The following IWS1 variants were observed in gnomAD, a reference collection of about 807,000 sequenced individuals.
The protein encoded by IWS1 is interacts with SUPT6H, CTD assembly factor 1.
Under a neutral mutation model 86.7 loss-of-function variants are expected in IWS1, and 27 were observed. That is an observed-to-expected ratio of 0.31 (90% CI 0.23 to 0.43). The LOEUF (loss-of-function observed/expected upper bound fraction) is 0.43. IWS1 is among the 20% of genes least tolerant of loss of function. The probability of loss-of-function intolerance (pLI) is 1.00; values close to 1 mark genes in which losing one functional copy is unlikely to be tolerated. For synonymous variants in IWS1, 313 were observed against 335.1 expected (o/e 0.93, Z 0.72); for missense variants, 827 against 1,000.8 (o/e 0.83, Z 2.34).
intron 2 of IWS1, chr2:127,514,624 C>G (rs536636285): frequency 1.0e-4 from 16 of 152,448 alleles, no homozygotes; most frequent in African/African-American, 3.8e-4. Flanking sequence ...ACCACCACAT[C>G]CCCCTCGTCT....
chr2:127,513,767 C>T (rs1390937022), intron 2 of IWS1, among the ~76,000 whole-genome samples: 6 of 152,120 alleles, frequency 3.9e-5, no homozygotes, highest in South Asian at 2.1e-4. Flanking sequence ...AGAAATAAGA[C>T]GAATGCAAAT....
Position 127,489,650 on chromosome 2 carries a change from G to C in IWS1, c.2159+182C>G. ...TGACCCAGAAAGGTCTGGTTAGGAG[G>C]ACAGGACCCTCACTATACACTATCA... is the stretch of plus-strand genomic sequence containing the variant. On this transcript the variant is annotated intron_variant, in intron 11 of 13. Coordinates refer to ENST00000295321, the MANE Select transcript of IWS1 (RefSeq NM_017969.3). This position sits in a 1 kb window ranked among gnomAD's most constrained non-coding sequence, Gnocchi z 4.8. The C allele has an allele frequency of 1.7e-6, 1 of 581,058 alleles. No homozygotes were observed. The highest frequency in any genetic ancestry group is 3.1e-6 in the Non-Finnish European group (1 of 327,546). 36.0% of individuals were successfully genotyped at this position (581,058 alleles called of 1,614,324 possible).
upstream of IWS1, chr2:127,526,512 C>T: frequency 6.7e-7 from 1 of 1,484,658 alleles, no homozygotes; most frequent in East Asian, 2.8e-5. Flanking sequence ...CAAAGGAATG[C>T]AGCGCGCAGG....
In IWS1 at chr2:127,490,563, T is replaced by C. The variant is rs73953625; in HGVS notation, c.2048-620A>G. Reference sequence around the variant, plus strand: ...TAGCTTACTGCTACATTTAATACACTATAAAAACAAGAAAGGACCTTTATA... The same window carrying C: ...TAGCTTACTGCTACATTTAATACACCATAAAAACAAGAAAGGACCTTTATA... On this transcript the variant is annotated intron_variant, in intron 10 of 13. Transcript: ENST00000295321. Among the ~76,000 whole-genome samples the C allele has an allele frequency of 6.4e-3, 974 of 152,236 alleles. 14 individuals are homozygous for C. The highest frequency in any genetic ancestry group is 0.022 in the African/African-American group (910 of 41,522).
At chr2:127,523,882 T>G in intron 1 of IWS1, 91 bp from the exon 2 acceptor site, 1 of 879,356 alleles carries the variant, frequency 1.1e-6, no homozygotes, top group South Asian at 1.6e-5. Flanking sequence ...ATAACGTAAG[T>G]GCAAAAGTTA....
chr2:127,498,783 T>C (rs1415819561), intron 5 of IWS1: 1 of 152,196 alleles, frequency 6.6e-6, no homozygotes, highest in Non-Finnish European at 1.5e-5. Flanking sequence ...AGCAAAGATA[T>C]CAAACATTGA....
chr2:127,506,663 C>T (rs1691167318), intron 2 of IWS1: 1 of 167,988 alleles, frequency 6.0e-6, no homozygotes, highest in Non-Finnish European at 1.5e-5. Context: ...CATAATGGTA[C>T]TTCTCATGAT....
intron 13 of IWS1, among the ~76,000 whole-genome samples, chr2:127,481,717 T>G (rs1456765382): frequency 6.6e-6 from 1 of 152,162 alleles, no homozygotes; most frequent in Non-Finnish European, 1.5e-5. Flanking sequence ...CTGCTCTAAT[T>G]CAGTAACTTC....
At position 127,505,478 on chromosome 2, in the gene IWS1, T is replaced by A; in HGVS notation, c.425A>T (p.His142Leu). Residue 142 changes from histidine (H) to leucine (L), a missense_variant, in exon 3 of 14, where the codon CAT becomes CTT. This residue lies in a region of IWS1 where 548 missense variants were observed against 560.2 expected (regional missense o/e 0.98). Coordinates refer to ENST00000295321, the MANE Select transcript of IWS1 (RefSeq NM_017969.3). The surrounding 1 kb of genome is among the most constrained non-coding windows in gnomAD (Gnocchi z 5.0). ...DSENEELLNGHASDSENEDVG... is the reference protein window; with the variant it reads ...DSENEELLNGLASDSENEDVG... The stretch of plus-strand genomic sequence containing the variant: ...ATCTTCGTTTTCTGAGTCACTTGCA[T>A]GCCCATTAAGAAGTTCCTCATTTTC... 6.2e-7 allele frequency: 1 copy of A among 1,614,176 alleles called. No individual in the cohort carries two copies. Among genetic ancestry groups the A allele is most frequent in the Non-Finnish European group, 8.5e-7 (1 of 1,180,030 alleles).
In IWS1 at chr2:127,504,779, A is replaced by G. The variant is rs751179179; in HGVS notation, c.1124T>C (p.Met375Thr). 6.2e-6 allele frequency: 10 copies of G among 1,613,748 alleles called. No individual in the cohort carries two copies. Among genetic ancestry groups the G allele is most frequent in the Non-Finnish European group, 8.5e-6 (10 of 1,179,968 alleles). ...SEEEEHKKQK[M>T]DSDEDEKEGE... ...CTCTTTTTCATCTTCATCACTGTCC[A>G]TTTTTTGCTTTTTGTGTTCTTCCTC... The change falls in exon 3 of 14, where the codon ATG becomes ACG. Residue 375 changes from methionine (M) to threonine (T), a missense_variant. Met to Thr is a moderately conservative substitution (Grantham distance 81). Around this residue, in one of 2 missense-constraint regions of IWS1, gnomAD observed 548 missense variants for 560.2 expected, o/e 0.98. Transcript: ENST00000295321.
At chr2:127,490,393 AT>A (rs1423179020) in intron 10 of IWS1, among the ~76,000 whole-genome samples, 1 of 152,224 alleles carries the variant, frequency 6.6e-6, no homozygotes, top group East Asian at 1.9e-4. Context: ...ACCTTTAAAA[AT>A]TACAGTTTAA....
intron 12 of IWS1, among the ~76,000 whole-genome samples, chr2:127,487,766 G>T (rs1480664229): frequency 2.3e-4 from 35 of 152,104 alleles, no homozygotes; most frequent in Admixed American, 2.3e-3. Context: ...TAGCCAGGAT[G>T]GTCTCAACCT....
chr2:127,495,988 C>A lies in IWS1; in HGVS notation c.1716+10G>T, dbSNP rs1388120267. The A allele has an allele frequency of 1.8e-5, 29 of 1,602,568 alleles. No individual in the cohort carries two copies. Among genetic ancestry groups the A allele is most frequent in the Non-Finnish European group, 2.5e-5 (29 of 1,175,268 alleles). On this transcript the variant is annotated intron_variant, in intron 7 of 13. Coordinates refer to ENST00000295321, the MANE Select transcript of IWS1 (RefSeq NM_017969.3). ...GAAAAAAAGGTGAACCTAGAAGCGACCCAGCTCACCTCAGCAGCTTCATTC... is the reference window on the plus strand; with the variant it reads ...GAAAAAAAGGTGAACCTAGAAGCGAACCAGCTCACCTCAGCAGCTTCATTC...
intron 2 of IWS1, among the ~76,000 whole-genome samples, chr2:127,509,169 G>A (rs554768182): frequency 2.0e-4 from 30 of 152,276 alleles, no homozygotes; most frequent in African/African-American, 6.7e-4. Flanking sequence ...GGACGAGTAT[G>A]CTGGAAATTA....
At chr2:127,483,571 C>CAGGGG (rs1553431164) in intron 13 of IWS1, among the ~76,000 whole-genome samples, 1 of 20,188 alleles carries the variant, frequency 5.0e-5, no homozygotes, top group African/African-American at 2.5e-4. Context: ...ATAATTTGGT[C>CAGGGG]GGGGCGGGGG....
intron 1 of IWS1, among the ~76,000 whole-genome samples, chr2:127,524,632 C>CG (rs1218908831): frequency 2.0e-5 from 3 of 151,670 alleles, no homozygotes; most frequent in African/African-American, 4.8e-5. Flanking sequence ...TCCACCCCCC[C>CG]GGGTTCAACA....
At chr2:127,512,779 T>G (rs771099036) in intron 2 of IWS1, among the ~76,000 whole-genome samples, 1 of 152,238 alleles carries the variant, frequency 6.6e-6, no homozygotes, top group South Asian at 2.1e-4. Context: ...TTTATAGGTC[T>G]GCCGCACCCA....
chr2:127,483,509 T>G (rs922762577), intron 13 of IWS1, among the ~76,000 whole-genome samples: 1 of 144,726 alleles, frequency 6.9e-6, no homozygotes, highest in Non-Finnish European at 1.5e-5. Flanking sequence ...TATGCAGCCA[T>G]TAAAAATGAT....
Position 127,526,358 on chromosome 2 carries a change from T to C in IWS1, c.-150A>G. 1 of 1,536,978 alleles carries C rather than the reference T, an allele frequency of 6.5e-7. No homozygotes were observed. Among genetic ancestry groups the C allele is most frequent in the Non-Finnish European group, 8.7e-7 (1 of 1,146,510 alleles). On this transcript the variant is annotated 5_prime_UTR_variant, in exon 1 of 14. Coordinates refer to ENST00000295321, the MANE Select transcript of IWS1 (RefSeq NM_017969.3). ...ACGGGTGCGGAGGGTAAGAAAGCGGTAGCGGCAAAGGCGAATTCTTTGACC... is the reference window on the plus strand; with the variant it reads ...ACGGGTGCGGAGGGTAAGAAAGCGGCAGCGGCAAAGGCGAATTCTTTGACC...
Sources: gnomAD v4.1 joint callset for allele counts (sites outside exome capture counted in the v4.1 genomes callset) on GRCh38, gnomAD v4.1.1 for gene constraint, gnomAD v4.1.1 regional missense constraint, Gnocchi (gnomAD v3.1) non-coding constraint, MANE v1.5 for transcripts, NCBI Gene and HGNC (gene_info 2026-07-23, HGNC 2026-07-21) for gene names.